Variants in BTAF1 observed in about 807,000 individuals in gnomAD.
BTAF1 encodes TATA-binding protein-associated factor 172.
BTAF1 carries 38 observed loss-of-function variants against 227.1 expected under a neutral mutation model. The ratio of observed to expected loss-of-function variants is 0.17; its 90% CI spans 0.13 to 0.22. The LOEUF is 0.22. Ranked by LOEUF, BTAF1 falls within the 10% of genes least tolerant of loss-of-function variation. The pLI is 1.00. For synonymous variants in BTAF1, 742 were observed against 751.9 expected, an observed-to-expected ratio of 0.99 and a Z score of 0.21; for missense variants, 1,598 against 2,204.0, an observed-to-expected ratio of 0.73 and a Z score of 5.51.
intron 1 of BTAF1, among the ~76,000 whole-genome samples, chr10:91,928,134 A>G (rs1427393113): frequency 1.3e-5 from 2 of 151,988 alleles, no homozygotes; most frequent in Non-Finnish European, 2.9e-5. Flanking sequence ...AGTTTATAAT[A>G]TAGTAAATTC....
intron 1 of BTAF1, among the ~76,000 whole-genome samples, chr10:91,928,696 C>T (rs903615099): frequency 8.0e-5 from 12 of 150,442 alleles, no homozygotes; most frequent in African/African-American, 2.5e-4. Flanking sequence ...TTGCCACCAA[C>T]GGTAAAAGCA....
chr10:92,025,700 T>C (rs1403988251), intron 35 of BTAF1, among the ~76,000 whole-genome samples: 2 of 150,038 alleles, frequency 1.3e-5, no homozygotes, highest in Non-Finnish European at 3.0e-5. Context: ...CCAGCTACTC[T>C]GGAGGCTGAG....
intron 35 of BTAF1, 66 bp downstream of exon 35, chr10:92,025,033 A>G: frequency 7.0e-7 from 1 of 1,423,250 alleles, no homozygotes; most frequent in Non-Finnish European, 9.6e-7. Flanking sequence ...AGTTTGCCCC[A>G]TGAAATATTT....
At chr10:92,003,330 CA>C (rs1564710135) in intron 25 of BTAF1, among the ~76,000 whole-genome samples, 1 of 152,160 alleles carries the variant, frequency 6.6e-6, no homozygotes, top group Non-Finnish European at 1.5e-5. Flanking sequence ...CCATGCTGTA[CA>C]GATCTACAGA....
intron 17 of BTAF1, 169 bp from the exon 18 acceptor site, chr10:91,982,418 C>T: frequency 1.9e-6 from 2 of 1,059,792 alleles, no homozygotes; most frequent in East Asian, 5.2e-5. Context: ...GGATTTATAT[C>T]TTCTTATGAA....
At chr10:92,014,654 TTATA>T (rs1425964999) in intron 32 of BTAF1, among the ~76,000 whole-genome samples, 1 of 152,250 alleles carries the variant, frequency 6.6e-6, no homozygotes, top group Non-Finnish European at 1.5e-5. Context: ...CCTCACAACA[TTATA>T]GGTATTATTA....
At chr10:91,997,578 A>C (rs1046749424) in intron 24 of BTAF1, 25 bp from the exon 25 acceptor site, 2 of 1,605,932 alleles carry the variant, frequency 1.2e-6, no homozygotes, top group African/African-American at 2.7e-5. Flanking sequence ...GAACCATTTC[A>C]AAATTTCCTT....
Position 92,008,177 on chromosome 10 carries a change from A to G in BTAF1, c.3715A>G (p.Lys1239Glu), listed in dbSNP as rs775095086. The change falls in exon 26 of 38, where the codon AAG (lysine) becomes GAG (glutamate). Residue 1239 changes from lysine to glutamate, a missense_variant. Lys to Glu is a moderately conservative substitution (Grantham distance 56, BLOSUM62 1). Around this residue, in one of 10 missense-constraint regions of BTAF1, gnomAD observed 184 missense variants for 341.1 expected, o/e 0.54. Coordinates refer to ENST00000265990, the MANE Select transcript of BTAF1 (RefSeq NM_003972.3). ...MSAELIQLKA[K>E]ERHFLEQLLD... The stretch of plus-strand genomic sequence containing the variant: ...AGCAGAATTAATCCAATTGAAAGCC[A>G]AGGAGCGACACTTTTTGGAGCAATT... 2.5e-6 allele frequency: 4 copies of G among 1,601,110 alleles called. No individual in the cohort carries two copies. The East Asian group carries it at 9.0e-5, about 36-fold the overall frequency.
At chr10:91,939,511 T>C (rs1054963262) in intron 2 of BTAF1, among the ~76,000 whole-genome samples, 2 of 152,234 alleles carry the variant, frequency 1.3e-5, no homozygotes, top group Non-Finnish European at 2.9e-5. Flanking sequence ...CCATCTCGGC[T>C]CACTGCAACC....
chr10:91,981,884 G>A (rs1848086451), intron 16 of BTAF1, 92 bp downstream of exon 16: 1 of 1,418,196 alleles, frequency 7.1e-7, no homozygotes, highest in Non-Finnish European at 9.4e-7. Context: ...TGCCTTAAGT[G>A]TGATTTAATT....
intron 26 of BTAF1, among the ~76,000 whole-genome samples, chr10:92,008,487 A>G (rs1055171348): frequency 6.8e-6 from 1 of 148,144 alleles, no homozygotes. Context: ...GGGACTATAC[A>G]TGTGCACCAC....
At chr10:91,951,077 C>T (rs12779538) in intron 4 of BTAF1, among the ~76,000 whole-genome samples, 45,876 of 151,904 alleles carry the variant, frequency 0.3, 8,511 homozygotes, top group South Asian at 0.52. Context: ...CCTCCCACCT[C>T]GGCCACCCAA....
intron 4 of BTAF1, among the ~76,000 whole-genome samples, chr10:91,949,801 G>A (rs964239081): frequency 1.3e-5 from 2 of 151,924 alleles, no homozygotes; most frequent in African/African-American, 4.8e-5. Flanking sequence ...GATTGTAATG[G>A]CCCCTAACTC....
intron 34 of BTAF1, among the ~76,000 whole-genome samples, chr10:92,024,113 TA>T (rs1374517837): frequency 6.6e-6 from 1 of 152,258 alleles, no homozygotes; most frequent in African/African-American, 2.4e-5. Flanking sequence ...GGAATAAGTA[TA>T]AATGATCTAT....
chr10:91,953,709 C>T (rs1845914594), intron 5 of BTAF1, 28 bp from the exon 6 acceptor site: 3 of 1,603,364 alleles, frequency 1.9e-6, no homozygotes, highest in South Asian at 2.3e-5. Flanking sequence ...TTCAAAAGTT[C>T]CAACTCAGCA....
intron 1 of BTAF1, among the ~76,000 whole-genome samples, chr10:91,927,351 T>C (rs1483486715): frequency 6.6e-6 from 1 of 152,198 alleles, no homozygotes; most frequent in Non-Finnish European, 1.5e-5. Flanking sequence ...TTGGTCAGGC[T>C]GGCCTCGAAC....
chr10:91,950,334 C>T (rs1845684655), intron 4 of BTAF1, among the ~76,000 whole-genome samples: 1 of 143,912 alleles, frequency 6.9e-6, no homozygotes, highest in South Asian at 2.3e-4. Flanking sequence ...GACAATTCCC[C>T]TAAGTAAATG....
At chr10:92,026,121 T>G (rs1022502207) in intron 35 of BTAF1, among the ~76,000 whole-genome samples, 11 of 152,232 alleles carry the variant, frequency 7.2e-5, no homozygotes, top group African/African-American at 2.7e-4. Flanking sequence ...CTATTTTTAA[T>G]GTTAGTTTTT....
At chr10:91,925,529 T>TTTTTTTTTTTTTTTA (rs1843767327) in intron 1 of BTAF1, among the ~76,000 whole-genome samples, 1 of 149,362 alleles carries the variant, frequency 6.7e-6, no homozygotes, top group Non-Finnish European at 1.5e-5. Context: ...TTTTTTTTTT[T>TTTTTTTTTTTTTTTA]GAGAAGGAAT....
Sources: allele counts gnomAD v4.1 joint callset (sites outside exome capture counted in the v4.1 genomes callset), GRCh38; gene constraint gnomAD v4.1.1; regional missense constraint gnomAD v4.1.1; transcripts MANE v1.5; gene names NCBI Gene and HGNC (gene_info 2026-07-23, HGNC 2026-07-21).